The following SSBP4 variants were observed in gnomAD, a reference collection of about 807,000 sequenced individuals.
SSBP4 encodes single stranded DNA binding protein 4, also known as single-stranded DNA-binding protein 4.
SSBP4 carries 33 observed loss-of-function variants against 64.6 expected under a neutral mutation model. The observed-to-expected ratio is 0.51, with a 90% confidence interval of 0.39 to 0.68. The LOEUF (loss-of-function observed/expected upper bound fraction) is 0.68. SSBP4 is among the 30% of genes least tolerant of loss of function. The probability of loss-of-function intolerance (pLI) is 0.00; values close to 1 mark genes in which losing one functional copy is unlikely to be tolerated. For synonymous variants in SSBP4, 243 were observed against 224.0 expected (o/e 1.08, Z -0.76); for missense variants, 583 against 566.8 (o/e 1.03, Z -0.29).
chr19:18,430,049 T>C (rs555089377), intron 4 of SSBP4, among the ~76,000 whole-genome samples: 1 of 152,176 alleles, frequency 6.6e-6, no homozygotes, highest in African/African-American at 2.4e-5. Context: ...CACCTGAGTG[T>C]CCCTGTGTGC....
At chr19:18,408,646 T>A in the SSBP4 span, among the ~76,000 whole-genome samples, 1 of 151,954 alleles carries the variant, frequency 6.6e-6, no homozygotes, top group African/African-American at 2.4e-5. Context: ...GCGCCCGCCA[T>A]CGCACCCGGC....
rs1972969632 is a variant in SSBP4, at chr19:18,427,827, TGCTGTGGGTGG to T, written c.194+22_194+32del. 1.9e-6 allele frequency: 3 copies of T among 1,612,606 alleles called. No homozygotes were observed. Among genetic ancestry groups the T allele is most frequent in the Non-Finnish European group, 8.5e-7 (1 of 1,178,868 alleles). ...CTCCTGGTGGTGGTACGGGCTGGGC[TGCTGTGGGTGG>T]GCTGTGGAAGGGGGTTGAGGGAGGC... On this transcript the variant is annotated intron_variant, in intron 3 of 17. Coordinates refer to ENST00000270061, the MANE Select transcript of SSBP4 (RefSeq NM_032627.5). The surrounding 1 kb of genome is among the most constrained non-coding windows in gnomAD (Gnocchi z 4.4).
In SSBP4 at chr19:18,419,525, T is replaced by TGCCGTGCCC; in HGVS notation, c.-120_-112dup. On this transcript the variant is annotated 5_prime_UTR_variant, in exon 1 of 18. Transcript: ENST00000270061. ...GGAGCTCCCCCGCGCGGACGATGCC[T>TGCCGTGCCC]GCCGTGCCCGCCTGGGGCTCGGGGC... The TGCCGTGCCC allele has an allele frequency of 8.9e-7, 1 of 1,121,528 alleles. No homozygotes were observed. The highest frequency in any genetic ancestry group is 1.1e-6 in the Non-Finnish European group (1 of 915,772). 69.5% of individuals were successfully genotyped at this position (1,121,528 alleles called of 1,614,324 possible). A position where few individuals can be genotyped will look rare whatever the true frequency, so the allele number is the denominator to read the frequency against.
intron 1 of SSBP4, among the ~76,000 whole-genome samples, chr19:18,420,499 A>AT (rs1285136419): frequency 6.6e-6 from 1 of 152,044 alleles, no homozygotes; most frequent in African/African-American, 2.4e-5. Context: ...GGTGGAAAGC[A>AT]TTTGAAAGGT....
chr19:18,414,609 G>A (rs953952881), upstream of SSBP4, among the ~76,000 whole-genome samples: 5 of 152,236 alleles, frequency 3.3e-5, no homozygotes, highest in African/African-American at 1.2e-4. Context: ...GCAGGGCAGA[G>A]GGGTGGGGCT....
At chr19:18,433,656 G>C in intron 16 of SSBP4, 43 bp downstream of exon 16, 1 of 1,390,096 alleles carries the variant, frequency 7.2e-7, no homozygotes, top group Non-Finnish European at 9.3e-7. Flanking sequence ...TCCGGGGGGG[G>C]TGGCGGGGAG....
chr19:18,433,852 C>T (rs1366814349), intron 17 of SSBP4, 35 bp downstream of exon 17: 3 of 1,244,330 alleles, frequency 2.4e-6, no homozygotes, highest in Non-Finnish European at 3.0e-6. Context: ...CCCGCGGCGG[C>T]GTCGGGCCGG....
chr19:18,415,319 G>A (rs138717902), upstream of SSBP4, among the ~76,000 whole-genome samples: 1 of 152,194 alleles, frequency 6.6e-6, no homozygotes, highest in Non-Finnish European at 1.5e-5. Flanking sequence ...TAATGAGGAG[G>A]AGGGAGGGAG....
chr19:18,405,671 G>A, the SSBP4 span, among the ~76,000 whole-genome samples: 1 of 151,312 alleles, frequency 6.6e-6, no homozygotes, highest in Non-Finnish European at 1.5e-5. Flanking sequence ...ACCATGCCTG[G>A]CTAATTATCT....
At chr19:18,429,294 G>A (rs1407469949) in intron 4 of SSBP4, among the ~76,000 whole-genome samples, 1 of 151,772 alleles carries the variant, frequency 6.6e-6, no homozygotes, top group East Asian at 1.9e-4. Context: ...CGACCTTGGC[G>A]TCTCCAGGAA....
the SSBP4 span, among the ~76,000 whole-genome samples, chr19:18,411,689 T>C: frequency 9.9e-5 from 15 of 152,252 alleles, no homozygotes; most frequent in South Asian, 1.2e-3. Flanking sequence ...TGGGATGACC[T>C]GGATGCATTT....
At chr19:18,418,809 A>C, upstream of SSBP4, 1 of 229,690 alleles carries the variant, frequency 4.4e-6, no homozygotes, top group Non-Finnish European at 7.2e-6. The surrounding 1 kb of genome is among the most constrained non-coding windows in gnomAD (Gnocchi z 6.7). Context: ...GGCTGTTGGA[A>C]GCTGTGGCAC....
Position 18,427,588 on chromosome 19 carries a change from C to T in SSBP4, c.133-164C>T, listed in dbSNP as rs990564885. 2.0e-5 allele frequency among the ~76,000 whole-genome samples: 3 copies of T among 152,204 alleles called. No homozygotes were observed. The highest frequency in any genetic ancestry group is 1.5e-5 in the Non-Finnish European group (1 of 68,024). On this transcript the variant is annotated intron_variant, in intron 2 of 17. Transcript: ENST00000270061. This position sits in a 1 kb window ranked among gnomAD's most constrained non-coding sequence, Gnocchi z 4.4. ...CTGGGCTAGCATCCAGGCATCTGGT[C>T]CACATGCCCAGCCGGGACCTGCCAC... is the stretch of plus-strand genomic sequence containing the variant.
chr19:18,416,451 C>T (rs770385943), upstream of SSBP4, among the ~76,000 whole-genome samples: 2 of 152,206 alleles, frequency 1.3e-5, no homozygotes, highest in Non-Finnish European at 2.9e-5. Flanking sequence ...GCTGGGGCTA[C>T]AGGCACACGC....
In SSBP4 at chr19:18,433,596, A is replaced by G. The variant is rs1298034804; in HGVS notation, c.1003A>G (p.Met335Val). 13 of 1,450,820 alleles carry G rather than the reference A, an allele frequency of 9.0e-6. No individual in the cohort carries two copies. Among genetic ancestry groups the G allele is most frequent in the African/African-American group, 7.9e-5 (5 of 62,898 alleles). The allele number at this position is 1,450,820 out of a possible 1,614,324, so 89.9% of individuals were successfully genotyped here. A position where few individuals can be genotyped will look rare whatever the true frequency, so the allele number is the denominator to read the frequency against. Residue 335 changes from methionine (M) to valine (V), a missense_variant, in exon 16 of 18, where the codon ATG becomes GTG. Physicochemically the swap from Met to Val is conservative, Grantham distance 21 (BLOSUM62 1). Coordinates refer to ENST00000270061, the MANE Select transcript of SSBP4 (RefSeq NM_032627.5). The part of the protein sequence containing the change: ...HVNGSLGSGD[M>V]DGLPKSSPGA... ...GTCCGTGTCTGTAGGCTCGGGCGAC[A>G]TGGACGGGTTGCCGAAGGTAAGGAG...
chr19:18,426,574 CT>C lies in SSBP4; in HGVS notation c.60-776del, dbSNP rs1388311060. ...GCGGGGTGGACAGTCCGGCCTCCCC[CT>C]GTGACCTGCAGAGGGCCGTGCTGGA... On this transcript the variant is annotated intron_variant, in intron 1 of 17. Transcript: ENST00000270061. The surrounding 1 kb of genome is among the most constrained non-coding windows in gnomAD (Gnocchi z 4.5). 6.6e-6 allele frequency among the ~76,000 whole-genome samples: 1 copy of C among 152,170 alleles called. No individual in the cohort carries two copies. The highest frequency in any genetic ancestry group is 1.5e-5 in the Non-Finnish European group (1 of 68,012).
the SSBP4 span, among the ~76,000 whole-genome samples, chr19:18,403,440 G>A: frequency 6.6e-6 from 1 of 152,176 alleles, no homozygotes; most frequent in Non-Finnish European, 1.5e-5. Context: ...TCCCACAGGT[G>A]TGGAGGGGCA....
In SSBP4 at chr19:18,433,561, G is replaced by A. The variant is rs757690890; in HGVS notation, c.992-24G>A. The A allele has an allele frequency of 1.4e-5, 22 of 1,547,478 alleles. No individual in the cohort carries two copies. The African/African-American group carries it at 2.8e-4, about 19-fold the overall frequency. ...ATGGCGCCAGCACGTCTGAGCCGGT[G>A]CCCGTGTCTGTCCGTGTCTGTAGGC... is the stretch of plus-strand genomic sequence containing the variant. On this transcript the variant is annotated intron_variant, in intron 15 of 17. Coordinates refer to ENST00000270061, the MANE Select transcript of SSBP4 (RefSeq NM_032627.5).
upstream of SSBP4, chr19:18,419,219 C>CG: frequency 1.0e-6 from 1 of 987,654 alleles, no homozygotes; most frequent in Non-Finnish European, 1.2e-6. Flanking sequence ...GGTGGCCGTC[C>CG]GGGATCCTGA....
Sources: allele counts gnomAD v4.1 joint callset (sites outside exome capture counted in the v4.1 genomes callset), GRCh38; gene constraint gnomAD v4.1.1; non-coding constraint Gnocchi (gnomAD v3.1); transcripts MANE v1.5; gene names NCBI Gene and HGNC (gene_info 2026-07-23, HGNC 2026-07-21).